MYRIP: variants seen among roughly 807,000 people sequenced by gnomAD.
MYRIP encodes myosin VIIA and Rab interacting protein, also known as rab effector MyRIP.
In MYRIP, 49 loss-of-function variants were observed where a neutral mutation model predicts 98.0. The ratio of observed to expected loss-of-function variants is 0.50; its 90% CI spans 0.40 to 0.63. The LOEUF (loss-of-function observed/expected upper bound fraction) is 0.63, where lower values mean the gene tolerates loss of function less well. MYRIP is among the 30% of genes least tolerant of loss of function. The pLI is 0.00. For synonymous variants in MYRIP, 404 were observed against 409.5 expected, an observed-to-expected ratio of 0.99 and a Z score of 0.16; for missense variants, 1,004 against 1,058.2, an observed-to-expected ratio of 0.95 and a Z score of 0.71.
intron 8 of MYRIP, among the ~76,000 whole-genome samples, chr3:40,181,822 A>G (rs1024124816): frequency 6.6e-6 from 1 of 152,134 alleles, no homozygotes; most frequent in East Asian, 1.9e-4. Flanking sequence ...TGTGCTGTGG[A>G]TGGATCATAC....
intron 1 of MYRIP, among the ~76,000 whole-genome samples, chr3:39,819,796 G>A (rs543212299): frequency 1.3e-5 from 2 of 152,324 alleles, no homozygotes; most frequent in East Asian, 1.9e-4. Flanking sequence ...GATGAATTCT[G>A]CATTTCTGCA....
intron 1 of MYRIP, among the ~76,000 whole-genome samples, chr3:39,883,688 C>A (rs1423086817): frequency 6.6e-6 from 1 of 151,520 alleles, no homozygotes; most frequent in Non-Finnish European, 1.5e-5. Context: ...GCAAAAAAAA[C>A]TTAAATATGT....
intron 11 of MYRIP, among the ~76,000 whole-genome samples, chr3:40,230,883 A>G (rs1952634714): frequency 6.6e-6 from 1 of 151,032 alleles, no homozygotes; most frequent in Non-Finnish European, 1.5e-5. Flanking sequence ...CTGGAGTGCA[A>G]TGGCGGGTCT....
At chr3:39,893,519 A>G (rs1943535612) in intron 1 of MYRIP, among the ~76,000 whole-genome samples, 1 of 152,166 alleles carries the variant, frequency 6.6e-6, no homozygotes, top group Non-Finnish European at 1.5e-5. Context: ...GTTTCCTATA[A>G]CATGATAATA....
chr3:40,136,287 A>C (rs1028760148), intron 3 of MYRIP, among the ~76,000 whole-genome samples: 1 of 152,240 alleles, frequency 6.6e-6, no homozygotes, highest in Non-Finnish European at 1.5e-5. Context: ...GAGACAAAGA[A>C]GGCCATTACA....
chr3:40,189,792 C>G, intron 9 of MYRIP, 34 bp from the exon 10 acceptor site: 1 of 1,555,088 alleles, frequency 6.4e-7, no homozygotes, highest in South Asian at 1.2e-5. Context: ...TGATAACAGC[C>G]CCTCTCTGCT....
intron 5 of MYRIP, among the ~76,000 whole-genome samples, chr3:40,163,281 G>A (rs1338989262): frequency 1.3e-5 from 2 of 152,260 alleles, no homozygotes; most frequent in South Asian, 2.1e-4. Context: ...ACTGGACATT[G>A]ATAATCAGTG....
chr3:39,972,070 T>C (rs936871884), intron 2 of MYRIP, among the ~76,000 whole-genome samples: 9 of 152,112 alleles, frequency 5.9e-5, no homozygotes, highest in African/African-American at 1.7e-4. Context: ...CAGTATGTGG[T>C]ATCTGTATTT....
chr3:39,906,025 G>A (rs1396203385), intron 2 of MYRIP, among the ~76,000 whole-genome samples: 1 of 151,994 alleles, frequency 6.6e-6, no homozygotes, highest in Non-Finnish European at 1.5e-5. Context: ...AAGCACTCCC[G>A]GTGTGCAGCA....
chr3:39,951,214 C>T (rs1304852457), intron 2 of MYRIP, among the ~76,000 whole-genome samples: 1 of 152,110 alleles, frequency 6.6e-6, no homozygotes, highest in Admixed American at 6.5e-5. Context: ...AAACTCAAAC[C>T]CCCCTGGCTT....
chr3:40,116,033 A>T (rs549935569), intron 3 of MYRIP, among the ~76,000 whole-genome samples: 1 of 152,320 alleles, frequency 6.6e-6, no homozygotes, highest in African/African-American at 2.4e-5. Flanking sequence ...AGAAATTGGC[A>T]TGGAGTGGTG....
intron 2 of MYRIP, among the ~76,000 whole-genome samples, chr3:40,023,544 C>T (rs1409211150): frequency 2.0e-5 from 3 of 152,126 alleles, no homozygotes; most frequent in African/African-American, 7.2e-5. Flanking sequence ...ACTGATGGGA[C>T]CCCCACTGCA....
At chr3:39,992,313 A>T (rs1258155462) in intron 2 of MYRIP, among the ~76,000 whole-genome samples, 1 of 151,890 alleles carries the variant, frequency 6.6e-6, no homozygotes. Flanking sequence ...TGCTTCCACC[A>T]CCTTGAGCCC....
At chr3:40,030,089 G>A (rs1278954961) in intron 2 of MYRIP, among the ~76,000 whole-genome samples, 2 of 148,824 alleles carry the variant, frequency 1.3e-5, no homozygotes, top group East Asian at 2.0e-4. Flanking sequence ...GAAAGAAAGA[G>A]AGAGAAAGAA....
chr3:39,863,701 C>T (rs996178283), intron 1 of MYRIP, among the ~76,000 whole-genome samples: 3 of 152,064 alleles, frequency 2.0e-5, no homozygotes, highest in Admixed American at 6.6e-5. Context: ...AGCTCAGGAC[C>T]AGATGGATTC....
intron 3 of MYRIP, among the ~76,000 whole-genome samples, chr3:40,128,636 A>G (rs1949571735): frequency 6.6e-6 from 1 of 152,182 alleles, no homozygotes; most frequent in Non-Finnish European, 1.5e-5. Context: ...TGGAACACAC[A>G]TTCAGGTGCA....
intron 1 of MYRIP, among the ~76,000 whole-genome samples, chr3:39,854,546 T>G (rs563380096): frequency 6.6e-6 from 1 of 152,134 alleles, no homozygotes; most frequent in Non-Finnish European, 1.5e-5. Context: ...CCATATCCTG[T>G]ACTGTTTTTT....
intron 3 of MYRIP, among the ~76,000 whole-genome samples, chr3:40,068,051 T>C (rs1948157848): frequency 6.6e-6 from 1 of 152,224 alleles, no homozygotes; most frequent in African/African-American, 2.4e-5. Flanking sequence ...ATTTTGAACA[T>C]TGGGCGTTTC....
intron 1 of MYRIP, among the ~76,000 whole-genome samples, chr3:39,877,122 A>G: frequency 6.6e-6 from 1 of 152,084 alleles, no homozygotes; most frequent in Non-Finnish European, 1.5e-5. Flanking sequence ...CCTTTCTTCC[A>G]GTTGATCGCA....
Sources: allele counts gnomAD v4.1 joint callset (sites outside exome capture counted in the v4.1 genomes callset), GRCh38; gene constraint gnomAD v4.1.1; transcripts MANE v1.5; gene names NCBI Gene and HGNC (gene_info 2026-07-23, HGNC 2026-07-21).